COG2: variants seen among roughly 807,000 people sequenced by gnomAD.
The protein encoded by COG2 is component of oligomeric golgi complex 2.
A neutral mutation model predicts 90.6 loss-of-function variants in COG2; 52 were observed. The ratio of observed to expected loss-of-function variants is 0.57; its 90% CI spans 0.46 to 0.72. COG2 has a LOEUF of 0.72. Ranked by LOEUF, COG2 falls within the 30% of genes least tolerant of loss-of-function variation. COG2 has a pLI of 0.00. For missense variants in COG2, 829 were observed against 891.2 expected (o/e 0.93, Z 0.89); for synonymous variants, 337 against 320.4 (o/e 1.05, Z -0.55).
intron 5 of COG2, among the ~76,000 whole-genome samples, chr1:230,665,762 G>T (rs988987463): frequency 1.3e-5 from 2 of 152,128 alleles, no homozygotes; most frequent in Non-Finnish European, 2.9e-5. Context: ...GTCCCCATCA[G>T]TGTCAGTTCT....
rs77261314 is a variant in COG2, at chr1:230,690,436, C to T, written c.1934+283C>T. The T allele has an allele frequency of 2.7e-3, 740 of 272,896 alleles. 4 individuals are homozygous for T. The highest frequency in any genetic ancestry group is 0.015 in the African/African-American group (690 of 45,484). The allele number at this position is 272,896 out of a possible 1,614,324, so 16.9% of individuals were successfully genotyped here. ...CCCTGCCTGCGTTCCCTGCAGGTGCCGTTCTCCCAGGTCCAGCCACATTCT... is the reference window on the plus strand; with the variant it reads ...CCCTGCCTGCGTTCCCTGCAGGTGCTGTTCTCCCAGGTCCAGCCACATTCT... On this transcript the variant is annotated intron_variant, in intron 16 of 17. Transcript: ENST00000366669.
At chr1:230,676,161 T>A (rs1212059936) in intron 9 of COG2, among the ~76,000 whole-genome samples, 1 of 152,212 alleles carries the variant, frequency 6.6e-6, no homozygotes, top group East Asian at 1.9e-4. Context: ...AATTAGGTAC[T>A]TTATTAAATT....
At position 230,679,024 on chromosome 1, in the gene COG2, T is replaced by C; in HGVS notation, c.1138T>C (p.Trp380Arg). 6.2e-7 allele frequency: 1 copy of C among 1,613,286 alleles called. No homozygotes were observed. Among genetic ancestry groups the C allele is most frequent in the Non-Finnish European group, 8.5e-7 (1 of 1,179,316 alleles). ...TGCCTATCACAGCTTCAATAAGAAG[T>C]GGAACTTGCCTGTTTATTTTCAAAT... ...HPAYHSFNKK[W>R]NLPVYFQIRF... The change falls in exon 10 of 18, where the codon TGG becomes CGG. Residue 380 changes from tryptophan to arginine, a missense_variant. Coordinates refer to ENST00000366669, the MANE Select transcript of COG2 (RefSeq NM_007357.3).
At chr1:230,692,552 T>C (rs191655510) in intron 17 of COG2, among the ~76,000 whole-genome samples, 213 of 152,246 alleles carry the variant, frequency 1.4e-3, no homozygotes, top group Non-Finnish European at 2.1e-3. Context: ...CAAGAAAGTA[T>C]GTTATAGAAA....
chr1:230,674,146 G>A (rs910202176), intron 8 of COG2, among the ~76,000 whole-genome samples: 36 of 152,304 alleles, frequency 2.4e-4, no homozygotes, highest in African/African-American at 7.0e-4. Flanking sequence ...AGGAATCTCC[G>A]TTATTTAACC....
chr1:230,649,387 T>TG (rs1046168472), intron 1 of COG2, among the ~76,000 whole-genome samples: 9 of 152,098 alleles, frequency 5.9e-5, no homozygotes, highest in African/African-American at 1.4e-4. Flanking sequence ...GCCCATAGCT[T>TG]GCTGTTGTGA....
intron 12 of COG2, 70 bp downstream of exon 12, chr1:230,685,306 C>T (rs1558279345): frequency 5.2e-6 from 8 of 1,538,998 alleles, no homozygotes; most frequent in Non-Finnish European, 7.1e-6. Flanking sequence ...AGGCTAACTC[C>T]CTAAGATTTT....
chr1:230,672,682 A>G (rs1662481087), intron 8 of COG2, among the ~76,000 whole-genome samples: 1 of 142,924 alleles, frequency 7.0e-6, no homozygotes, highest in African/African-American at 2.6e-5. Context: ...AAAAAAGGCC[A>G]TTTTTTCTCC....
In COG2 at chr1:230,693,559, G is replaced by T; in HGVS notation, c.*166G>T. ...CATGCGTCTTCTCTCAGCGTATTTG[G>T]GTCTTCTTTGCCCAAAAGAACACAA... On this transcript the variant is annotated 3_prime_UTR_variant, in exon 18 of 18. Coordinates refer to ENST00000366669, the MANE Select transcript of COG2 (RefSeq NM_007357.3). The T allele has an allele frequency of 4.2e-6, 2 of 472,122 alleles. No homozygotes were observed. The highest frequency in any genetic ancestry group is 7.6e-6 in the Non-Finnish European group (2 of 262,372). 29.2% of individuals were successfully genotyped at this position (472,122 alleles called of 1,614,324 possible).
intron 7 of COG2, 52 bp from the exon 8 acceptor site, chr1:230,671,464 T>C: frequency 6.5e-7 from 1 of 1,529,128 alleles, no homozygotes; most frequent in Non-Finnish European, 8.9e-7. Flanking sequence ...AAATAGATCG[T>C]TTGTACTTCC....
At chr1:230,683,386 T>A in intron 10 of COG2, 188 bp from the exon 11 acceptor site, 1 of 541,690 alleles carries the variant, frequency 1.8e-6, no homozygotes. Context: ...TAACAGTGGC[T>A]TAGTCACGAT....
In COG2 at chr1:230,642,744, C is replaced by T. The variant is rs1347405632; in HGVS notation, c.72+66C>T. 10 of 1,493,736 alleles carry T rather than the reference C, an allele frequency of 6.7e-6. No individual in the cohort carries two copies. The African/African-American group carries it at 1.3e-4, about 19-fold the overall frequency. The allele number at this position is 1,493,736 out of a possible 1,614,324, so 92.5% of individuals were successfully genotyped here. The stretch of plus-strand genomic sequence containing the variant: ...TGCCTCTGCCCTGTGCCCTCTGTGG[C>T]GGTCTCTTCGGTCGGCTGCTCCTGC... On this transcript the variant is annotated intron_variant, in intron 1 of 17. Coordinates refer to ENST00000366669, the MANE Select transcript of COG2 (RefSeq NM_007357.3).
intron 1 of COG2, among the ~76,000 whole-genome samples, chr1:230,647,911 G>A (rs1397804239): frequency 3.3e-5 from 5 of 152,140 alleles, no homozygotes; most frequent in Non-Finnish European, 5.9e-5. Context: ...CTCGGATACA[G>A]AGGGACAACT....
chr1:230,690,957 A>G (rs1243759914), intron 16 of COG2, among the ~76,000 whole-genome samples: 2 of 152,178 alleles, frequency 1.3e-5, no homozygotes, highest in Non-Finnish European at 2.9e-5. Flanking sequence ...TTTACACTCT[A>G]AAAGATGAAC....
At chr1:230,650,804 C>T (rs757652750) in intron 1 of COG2, among the ~76,000 whole-genome samples, 1 of 152,082 alleles carries the variant, frequency 6.6e-6, no homozygotes, top group Non-Finnish European at 1.5e-5. Flanking sequence ...CCTAGGTTTT[C>T]TTCTAGGATT....
intron 15 of COG2, 79 bp downstream of exon 15, chr1:230,688,641 G>A (rs1662945281): frequency 1.5e-6 from 2 of 1,377,132 alleles, no homozygotes; most frequent in African/African-American, 1.4e-5. Context: ...AAGGAAGGAA[G>A]CGGCGGATTC....
intron 2 of COG2, 21 bp downstream of exon 2, chr1:230,659,646 C>A: frequency 6.2e-7 from 1 of 1,608,708 alleles, no homozygotes; most frequent in South Asian, 1.1e-5. Context: ...AATCCACGGT[C>A]CCATTTACAT....
intron 5 of COG2, among the ~76,000 whole-genome samples, chr1:230,665,192 G>A (rs1662291091): frequency 6.6e-6 from 1 of 152,284 alleles, no homozygotes; most frequent in East Asian, 1.9e-4. Flanking sequence ...ACTCCATGGT[G>A]CAGTGGAAAG....
intron 5 of COG2, among the ~76,000 whole-genome samples, chr1:230,667,623 G>A (rs1278603815): frequency 6.6e-6 from 1 of 152,102 alleles, no homozygotes; most frequent in Non-Finnish European, 1.5e-5. Flanking sequence ...TAATTCACAC[G>A]AGATTATTCA....
Sources: allele counts gnomAD v4.1 joint callset (sites outside exome capture counted in the v4.1 genomes callset), GRCh38; gene constraint gnomAD v4.1.1; transcripts MANE v1.5; gene names NCBI Gene and HGNC (gene_info 2026-07-23, HGNC 2026-07-21).